GALNTL6: variants seen among roughly 807,000 people sequenced by gnomAD.
The protein encoded by GALNTL6 is polypeptide N-acetylgalactosaminyltransferase like 6.
Under a neutral mutation model 73.7 loss-of-function variants are expected in GALNTL6, and 46 were observed. The ratio of observed to expected loss-of-function variants is 0.62; its 90% CI spans 0.49 to 0.80. GALNTL6 has a LOEUF of 0.80. GALNTL6 is among the 30% of genes least tolerant of loss of function. GALNTL6 has a pLI of 0.00. For synonymous variants in GALNTL6, 259 were observed against 263.7 expected (o/e 0.98, Z 0.17); for missense variants, 604 against 755.0 (o/e 0.80, Z 2.34).
intron 2 of GALNTL6, among the ~76,000 whole-genome samples, chr4:171,934,990 C>T (rs1304570883): frequency 6.6e-6 from 1 of 152,098 alleles, no homozygotes; most frequent in Non-Finnish European, 1.5e-5. Flanking sequence ...TCTCCTGACC[C>T]TTGAAGCATT....
In GALNTL6 at chr4:172,356,871, G is replaced by T. The variant is rs765159729; in HGVS notation, c.553+8182G>T. ...TTAGGTATCCAAGGTTCCTTTCTTT[G>T]TAGTTTTCTCAGATGTTTTATTCTG... On this transcript the variant is annotated intron_variant, in intron 5 of 12. Coordinates refer to ENST00000506823, the MANE Select transcript of GALNTL6 (RefSeq NM_001034845.3). 3.9e-5 allele frequency among the ~76,000 whole-genome samples: 6 copies of T among 152,092 alleles called. No homozygotes were observed. In the East Asian group the frequency reaches 1.2e-3, roughly 29 times the overall value.
intron 5 of GALNTL6, among the ~76,000 whole-genome samples, chr4:172,436,415 T>C (rs1403075859): frequency 3.3e-5 from 5 of 152,066 alleles, no homozygotes; most frequent in East Asian, 1.9e-4. Context: ...TTGCCCATCC[T>C]TGCACTGTGG....
chr4:172,980,093 C>T (rs1579737663), intron 10 of GALNTL6, among the ~76,000 whole-genome samples: 1 of 152,100 alleles, frequency 6.6e-6, no homozygotes, highest in African/African-American at 2.4e-5. Context: ...ACACAGAGGC[C>T]GTATTGACTA....
At chr4:172,670,110 C>T (rs922606687) in intron 5 of GALNTL6, among the ~76,000 whole-genome samples, 1 of 152,114 alleles carries the variant, frequency 6.6e-6, no homozygotes, top group Admixed American at 6.5e-5. Context: ...TTCTACTGTG[C>T]ATAGTGCTGA....
chr4:172,079,829 A>G lies in GALNTL6; in HGVS notation c.139-149827A>G, dbSNP rs141005334. Among the ~76,000 whole-genome samples, 615 of 152,058 alleles carry G rather than the reference A, an allele frequency of 4.0e-3. 3 individuals carry two copies. The highest frequency in any genetic ancestry group is 0.014 in the African/African-American group (579 of 41,520). On this transcript the variant is annotated intron_variant, in intron 2 of 12. Coordinates refer to ENST00000506823, the MANE Select transcript of GALNTL6 (RefSeq NM_001034845.3). ...TTTACCTACTGTCTATCATGAACAC[A>G]ACACTTTTTTTTTTACAAAATTTTG...
chr4:172,904,459 G>A (rs1479807923), intron 8 of GALNTL6, among the ~76,000 whole-genome samples: 2 of 152,166 alleles, frequency 1.3e-5, no homozygotes, highest in Non-Finnish European at 2.9e-5. Flanking sequence ...GCTAAGTTTT[G>A]TTATGGGATG....
intron 2 of GALNTL6, among the ~76,000 whole-genome samples, chr4:171,825,811 A>C (rs1179412980): frequency 6.6e-6 from 1 of 152,162 alleles, no homozygotes; most frequent in African/African-American, 2.4e-5. Context: ...AAGATGAGAC[A>C]CTTCAAAAAC....
chr4:172,572,089 A>G (rs1028846185), intron 5 of GALNTL6, among the ~76,000 whole-genome samples: 10 of 152,132 alleles, frequency 6.6e-5, no homozygotes, highest in African/African-American at 2.4e-4. Context: ...ACAATTATTG[A>G]CTATTACCTC....
intron 10 of GALNTL6, among the ~76,000 whole-genome samples, chr4:172,995,193 T>G (rs1038164700): frequency 1.3e-5 from 2 of 152,006 alleles, no homozygotes; most frequent in Non-Finnish European, 2.9e-5. Context: ...AAAATAGCAC[T>G]CTAGAAAAAA....
At chr4:172,203,689 A>C (rs1736023247) in intron 2 of GALNTL6, among the ~76,000 whole-genome samples, 1 of 151,914 alleles carries the variant, frequency 6.6e-6, no homozygotes, top group Admixed American at 6.6e-5. Context: ...AATTCATGAT[A>C]TTTTCCTTCT....
chr4:172,162,348 G>A (rs868860700), intron 2 of GALNTL6, among the ~76,000 whole-genome samples: 6 of 151,858 alleles, frequency 4.0e-5, no homozygotes, highest in Non-Finnish European at 7.4e-5. Context: ...GTAATGGGAT[G>A]ACAGTAGAAC....
intron 2 of GALNTL6, among the ~76,000 whole-genome samples, chr4:172,041,846 C>T (rs897094174): frequency 1.3e-5 from 2 of 151,958 alleles, no homozygotes; most frequent in South Asian, 2.1e-4. Flanking sequence ...TGGTCTAGCC[C>T]GTGAGTACTT....
intron 10 of GALNTL6, among the ~76,000 whole-genome samples, chr4:172,994,904 T>G (rs1262327655): frequency 6.6e-6 from 1 of 152,194 alleles, no homozygotes; most frequent in Non-Finnish European, 1.5e-5. Flanking sequence ...TACACAGAGC[T>G]TAACAACTGT....
intron 5 of GALNTL6, among the ~76,000 whole-genome samples, chr4:172,754,110 G>C (rs1301200289): frequency 6.6e-6 from 1 of 152,142 alleles, no homozygotes; most frequent in African/African-American, 2.4e-5. Context: ...ACGGTTGGTG[G>C]AAATATTTTG....
chr4:172,665,123 C>T (rs1223703367), intron 5 of GALNTL6, among the ~76,000 whole-genome samples: 1 of 152,200 alleles, frequency 6.6e-6, no homozygotes, highest in Non-Finnish European at 1.5e-5. Context: ...TAACCTCCTT[C>T]TTACTTCCAA....
intron 2 of GALNTL6, among the ~76,000 whole-genome samples, chr4:172,114,716 G>T (rs1732940576): frequency 6.6e-6 from 1 of 152,004 alleles, no homozygotes; most frequent in Non-Finnish European, 1.5e-5. Context: ...TAATTTCCTT[G>T]GAAGTTCAAA....
At chr4:172,220,776 A>T (rs544107001) in intron 2 of GALNTL6, among the ~76,000 whole-genome samples, 1 of 151,932 alleles carries the variant, frequency 6.6e-6, no homozygotes, top group Non-Finnish European at 1.5e-5. Flanking sequence ...AAAATTTAAA[A>T]TCATCACTTC....
intron 12 of GALNTL6, among the ~76,000 whole-genome samples, chr4:173,024,007 A>G (rs1753124952): frequency 6.6e-6 from 1 of 152,164 alleles, no homozygotes. Context: ...ATTTCTTATT[A>G]CTGTACATTT....
chr4:171,885,125 T>A (rs768038473), intron 2 of GALNTL6, among the ~76,000 whole-genome samples: 1 of 152,090 alleles, frequency 6.6e-6, no homozygotes, highest in East Asian at 1.9e-4. Flanking sequence ...ATTTGGGGAT[T>A]TGGGGACCCT....
Sources: gnomAD v4.1 joint callset for allele counts (sites outside exome capture counted in the v4.1 genomes callset) on GRCh38, gnomAD v4.1.1 for gene constraint, MANE v1.5 for transcripts, NCBI Gene and HGNC (gene_info 2026-07-23, HGNC 2026-07-21) for gene names.